Variants in NAB2 observed in about 807,000 individuals in gnomAD.
NAB2 encodes NGFI-A-binding protein 2.
NAB2 carries 9 observed loss-of-function variants against 44.2 expected under a neutral mutation model. The ratio of observed to expected loss-of-function variants is 0.20; its 90% CI spans 0.12 to 0.36. The LOEUF is 0.36. Ranked by LOEUF, NAB2 falls within the 10% of genes least tolerant of loss-of-function variation. The probability of loss-of-function intolerance (pLI) is 1.00; values close to 1 mark genes in which losing one functional copy is unlikely to be tolerated. For synonymous variants in NAB2, 342 were observed against 291.0 expected (o/e 1.18, Z -1.78); for missense variants, 514 against 709.0 (o/e 0.73, Z 3.12).
intron 2 of NAB2, 161 bp from the exon 3 acceptor site, chr12:57,092,287 C>G: frequency 2.6e-6 from 3 of 1,169,644 alleles, no homozygotes; most frequent in Non-Finnish European, 3.6e-6. Context: ...GGGTGCTGAC[C>G]TCTGTCTTCC....
At chr12:57,089,605 C>T (rs1052308212) in intron 1 of NAB2, among the ~76,000 whole-genome samples, 2 of 152,040 alleles carry the variant, frequency 1.3e-5, no homozygotes, top group East Asian at 3.9e-4. Flanking sequence ...CTCCATCTGG[C>T]CTAAGAGCCC....
chr12:57,089,661 A>T (rs1422886830), intron 1 of NAB2, among the ~76,000 whole-genome samples: 1 of 149,512 alleles, frequency 6.7e-6, no homozygotes, highest in Non-Finnish European at 1.5e-5. Flanking sequence ...GATGCCCTGG[A>T]GCTCGAGCTG....
chr12:57,092,412 C>G lies in NAB2; in HGVS notation c.958-36C>G, dbSNP rs374277148. The G allele has an allele frequency of 3.4e-5, 54 of 1,608,444 alleles. 1 individual carries two copies. Among genetic ancestry groups the G allele is most frequent in the Middle Eastern group, 1.7e-4 (1 of 5,906 alleles). ...GGTCTGGTGAGGCAGCGGGGAAGTT[C>G]GAATTCTGACTCTCCTGGCTGCCCT... On this transcript the variant is annotated intron_variant, in intron 2 of 6. Coordinates refer to ENST00000300131, the MANE Select transcript of NAB2 (RefSeq NM_005967.4).
Position 57,091,989 on chromosome 12 carries a change from C to T in NAB2, c.948C>T (p.Ser316=). The stretch of plus-strand genomic sequence containing the variant: ...AGCGGCGGGAGGGCAAGCAGCTCAG[C>T]CTGCACGAGGTGAGAACCCCCAGGC... ...DSKRREGKQL[S]LHELTINEAA... is the part of the protein sequence containing the mutation. Residue 316 remains serine (S), a synonymous_variant, in exon 2 of 7, where the codon AGC becomes AGT. Transcript: ENST00000300131. This position sits in a 1 kb window ranked among gnomAD's most constrained non-coding sequence, Gnocchi z 7.3. The T allele has an allele frequency of 6.2e-7, 1 of 1,606,316 alleles. No homozygotes were observed. The highest frequency in any genetic ancestry group is 8.5e-7 in the Non-Finnish European group (1 of 1,174,972).
chr12:57,094,914 A>G lies in NAB2; in HGVS notation c.*193A>G. 1 of 591,956 alleles carries G rather than the reference A, an allele frequency of 1.7e-6. No homozygotes were observed. Among genetic ancestry groups the G allele is most frequent in the Admixed American group, 3.1e-5 (1 of 32,536 alleles). 36.7% of individuals were successfully genotyped at this position (591,956 alleles called of 1,614,324 possible). ...AAGCAGAGGCCTGGAGAGAGGACACAAGGAGGGTGCGTGGTGCCCTCACCC... is the reference window on the plus strand; with the variant it reads ...AAGCAGAGGCCTGGAGAGAGGACACGAGGAGGGTGCGTGGTGCCCTCACCC... On this transcript the variant is annotated 3_prime_UTR_variant, in exon 7 of 7. Transcript: ENST00000300131.
rs930823547 is a variant in NAB2 at position 57,093,315 on chromosome 12, G to A, written c.1277-92G>A. 61 of 1,464,402 alleles carry A rather than the reference G, an allele frequency of 4.2e-5. No homozygotes were observed. The East Asian group carries it at 1.3e-3, about 31-fold the overall frequency. The allele number at this position is 1,464,402 out of a possible 1,614,324, so 90.7% of individuals were successfully genotyped here. On this transcript the variant is annotated intron_variant, in intron 5 of 6. Coordinates refer to ENST00000300131, the MANE Select transcript of NAB2 (RefSeq NM_005967.4). ...CAGGGTTGGGAGACCTGGCTGGAGG[G>A]GGGGCAGAAGGGCCTGTGGGCTGGC... is the stretch of plus-strand genomic sequence containing the variant.
chr12:57,089,763 G>C (rs2033140471), intron 1 of NAB2, among the ~76,000 whole-genome samples: 2 of 151,932 alleles, frequency 1.3e-5, no homozygotes, highest in Admixed American at 1.3e-4. Context: ...AGTTAAAGGA[G>C]CATCAGCGGG....
At chr12:57,092,038 C>T (rs1337001136) in intron 2 of NAB2, 40 bp downstream of exon 2, 3 of 1,564,962 alleles carry the variant, frequency 1.9e-6, no homozygotes, top group Non-Finnish European at 2.6e-6. Flanking sequence ...CCTTGACTTC[C>T]AGGTCTCCAG....
At position 57,093,528 on chromosome 12, in the gene NAB2, C is replaced by T. The variant is rs773296808; in HGVS notation, c.1398C>T (p.Leu466=). Residue 466 remains leucine, a synonymous_variant, in exon 6 of 7, where the codon CTC becomes CTT. Coordinates refer to ENST00000300131, the MANE Select transcript of NAB2 (RefSeq NM_005967.4). ...CACTGATGGACGAGGGGCTGCGGCT[C>T]GCCCGCCTCGTCTCCCACGACCGCG... ...QQTLMDEGLR[L]ARLVSHDRVG... 17 of 1,557,446 alleles carry T rather than the reference C, an allele frequency of 1.1e-5. No individual in the cohort carries two copies. The highest frequency in any genetic ancestry group is 6.8e-5 in the African/African-American group (5 of 73,222).
intron 5 of NAB2, 100 bp from the exon 6 acceptor site, chr12:57,093,307 G>A (rs1302747162): frequency 6.8e-7 from 1 of 1,461,592 alleles, no homozygotes; most frequent in East Asian, 2.4e-5. Flanking sequence ...GGGAGACCTG[G>A]CTGGAGGGGG....
rs1367248676 is a variant in NAB2 at position 57,093,432 on chromosome 12, G to C, written c.1302G>C (p.Thr434=). ...CTGTGGGGTCATGTCCAAGGCTGAC[G>C]CCGCCCCCTGCTGACCTGCCTCTGG... ...LQAVGSCPRL[T]PPPADLPLAL... The change falls in exon 6 of 7, where the codon ACG becomes ACC. Residue 434 remains threonine, a synonymous_variant. Coordinates refer to ENST00000300131, the MANE Select transcript of NAB2 (RefSeq NM_005967.4). The C allele has an allele frequency of 1.3e-6, 2 of 1,589,196 alleles. No individual in the cohort carries two copies. The highest frequency in any genetic ancestry group is 4.5e-5 in the East Asian group (2 of 44,036).
At position 57,091,667 on chromosome 12, in the gene NAB2, C is replaced by G. The variant is rs1047616691; in HGVS notation, c.626C>G (p.Ser209Cys). 1.2e-6 allele frequency: 2 copies of G among 1,609,074 alleles called. No homozygotes were observed. Among genetic ancestry groups the G allele is most frequent in the Non-Finnish European group, 1.7e-6 (2 of 1,177,222 alleles). ...GEEEAGSPPF[S>C]PPAGGGVPEG... The stretch of plus-strand genomic sequence containing the variant: ...GAGGAGGCTGGCTCGCCCCCCTTCT[C>G]CCCCCCTGCAGGGGGAGGAGTCCCT... The change falls in exon 2 of 7, where the codon TCC becomes TGC. Residue 209 changes from serine (S) to cysteine (C), a missense_variant. Around this residue, in one of 5 missense-constraint regions of NAB2, gnomAD observed 177 missense variants for 200.5 expected, o/e 0.88. Transcript: ENST00000300131. The surrounding 1 kb of genome is among the most constrained non-coding windows in gnomAD (Gnocchi z 7.3).
In NAB2 at chr12:57,089,212, C is replaced by T; in HGVS notation, c.-60C>T. 1 of 1,514,154 alleles carries T rather than the reference C, an allele frequency of 6.6e-7. No individual in the cohort carries two copies. The highest frequency in any genetic ancestry group is 9.0e-7 in the Non-Finnish European group (1 of 1,116,530). 93.8% of individuals were successfully genotyped at this position (1,514,154 alleles called of 1,614,324 possible). A position where few individuals can be genotyped will look rare whatever the true frequency, so the allele number is the denominator to read the frequency against. Reference sequence around the variant, plus strand: ...ATCGTGCGCGGGGAAGAGGGCAGCACGCAGCAGGCGCCGAGCGCCGGGCAC... The same window carrying T: ...ATCGTGCGCGGGGAAGAGGGCAGCATGCAGCAGGCGCCGAGCGCCGGGCAC... On this transcript the variant is annotated 5_prime_UTR_variant, in exon 1 of 7. It adds an upstream start codon to the 5' untranslated region. Coordinates refer to ENST00000300131, the MANE Select transcript of NAB2 (RefSeq NM_005967.4).
chr12:57,091,020 G>C lies in NAB2; in HGVS notation c.84-105G>C. On this transcript the variant is annotated intron_variant, in intron 1 of 6. Transcript: ENST00000300131. The surrounding 1 kb of genome is among the most constrained non-coding windows in gnomAD (Gnocchi z 7.3). ...GGCAGGATAGCATCCAAATGAGGGA[G>C]GGGAAGAAAAGCAGGCAGGAAAGAG... is the stretch of plus-strand genomic sequence containing the variant. The C allele has an allele frequency of 1.0e-6, 1 of 999,788 alleles. No individual in the cohort carries two copies. The highest frequency in any genetic ancestry group is 1.5e-6 in the Non-Finnish European group (1 of 686,884). 61.9% of individuals were successfully genotyped at this position (999,788 alleles called of 1,614,324 possible).
At chr12:57,089,638 C>T (rs1043163749) in intron 1 of NAB2, among the ~76,000 whole-genome samples, 3 of 152,180 alleles carry the variant, frequency 2.0e-5, no homozygotes, top group Admixed American at 2.0e-4. Flanking sequence ...GTGGGAGCCT[C>T]CAAGCACCAG....
intron 1 of NAB2, among the ~76,000 whole-genome samples, chr12:57,090,403 G>T (rs571702411): frequency 6.6e-6 from 1 of 152,338 alleles, no homozygotes; most frequent in African/African-American, 2.4e-5. Context: ...AGAATCGCTT[G>T]AACCCGGGAG....
In NAB2 at chr12:57,091,592, T is replaced by C. The variant is rs769165624; in HGVS notation, c.551T>C (p.Ile184Thr). Residue 184 changes from isoleucine (I) to threonine (T), a missense_variant, in exon 2 of 7, where the codon ATC becomes ACC. Transcript: ENST00000300131. The surrounding 1 kb of genome is among the most constrained non-coding windows in gnomAD (Gnocchi z 7.3). ...PGGPGAGDPR[I>T]WPGRSTPESD... Reference sequence around the variant, plus strand: ...GGACCTGGGGCAGGGGACCCCCGGATCTGGCCAGGCCGGAGCACTCCAGAG... The same window carrying C: ...GGACCTGGGGCAGGGGACCCCCGGACCTGGCCAGGCCGGAGCACTCCAGAG... 1 of 1,605,124 alleles carries C rather than the reference T, an allele frequency of 6.2e-7. No homozygotes were observed. The highest frequency in any genetic ancestry group is 1.1e-5 in the South Asian group (1 of 90,302).
rs974519833 is a variant in NAB2, at chr12:57,091,649, C to G, written c.608C>G (p.Ala203Gly). 1 of 1,607,826 alleles carries G rather than the reference C, an allele frequency of 6.2e-7. No homozygotes were observed. Among genetic ancestry groups the G allele is most frequent in the East Asian group, 2.2e-5 (1 of 44,786 alleles). The change falls in exon 2 of 7, where the codon GCT (alanine) becomes GGT (glycine). Residue 203 changes from alanine to glycine, a missense_variant. By Grantham distance (60) the Ala-to-Gly change is moderately conservative. This residue lies in a region of NAB2 where 177 missense variants were observed against 200.5 expected (regional missense o/e 0.88). Coordinates refer to ENST00000300131, the MANE Select transcript of NAB2 (RefSeq NM_005967.4). This position sits in a 1 kb window ranked among gnomAD's most constrained non-coding sequence, Gnocchi z 7.3. ...GTTGGGGCAGGAGGAGAAGAGGAGG[C>G]TGGCTCGCCCCCCTTCTCCCCCCCT... Reference protein sequence around the residue: ...SDVGAGGEEEAGSPPFSPPAG... With the variant: ...SDVGAGGEEEGGSPPFSPPAG...
Position 57,092,259 on chromosome 12 carries a change from G to C in NAB2, c.958-189G>C, listed in dbSNP as rs2033207378. 7 of 1,026,194 alleles carry C rather than the reference G, an allele frequency of 6.8e-6. No homozygotes were observed. The East Asian group carries it at 1.0e-4, about 15-fold the overall frequency. The allele number at this position is 1,026,194 out of a possible 1,614,324, so 63.6% of individuals were successfully genotyped here. On this transcript the variant is annotated intron_variant, in intron 2 of 6. Coordinates refer to ENST00000300131, the MANE Select transcript of NAB2 (RefSeq NM_005967.4). ...CCCACAGGAGAGGAGGAGGCCCCGG[G>C]CATTCCTAGGAAGCTGTGGGTGCTG...
Sources: allele counts gnomAD v4.1 joint callset (sites outside exome capture counted in the v4.1 genomes callset), GRCh38; gene constraint gnomAD v4.1.1; regional missense constraint gnomAD v4.1.1; non-coding constraint Gnocchi (gnomAD v3.1); transcripts MANE v1.5; gene names NCBI Gene and HGNC (gene_info 2026-07-23, HGNC 2026-07-21).